Variants in FAS observed in about 807,000 individuals in gnomAD.
FAS encodes the protein tumor necrosis factor receptor superfamily member 6.
Under a neutral mutation model 33.2 loss-of-function variants are expected in FAS, and 5 were observed. The ratio of observed to expected loss-of-function variants is 0.15; its 90% confidence interval spans 0.08 to 0.32. The LOEUF (loss-of-function observed/expected upper bound fraction) is 0.32, where lower values mean the gene tolerates loss of function less well. Among genes scored for constraint, FAS ranks in the 10% least tolerant of loss-of-function variants. FAS has a pLI of 1.00. For synonymous variants in FAS, 131 were observed against 130.7 expected (o/e 1.00, Z -0.01); for missense variants, 339 against 386.0 (o/e 0.88, Z 1.02).
chr10:88,965,219 C>T (rs1846299224), intron 1 of FAS, among the ~76,000 whole-genome samples: 1 of 152,094 alleles, frequency 6.6e-6, no homozygotes, highest in East Asian at 1.9e-4. Context: ...GTATATTCAC[C>T]ATTAGGTTGT....
At chr10:88,980,329 G>A (rs1315612610) in intron 2 of FAS, among the ~76,000 whole-genome samples, 3 of 152,208 alleles carry the variant, frequency 2.0e-5, no homozygotes, top group Non-Finnish European at 2.9e-5. Flanking sequence ...TAGGGGACCT[G>A]AGGACTGAGG....
chr10:89,005,963 T>C (rs962699892), intron 2 of FAS, among the ~76,000 whole-genome samples: 1 of 152,214 alleles, frequency 6.6e-6, no homozygotes, highest in African/African-American at 2.4e-5. Context: ...TTATTATACT[T>C]TCCTGCCTTT....
At chr10:88,967,060 A>G (rs1846331215) in intron 1 of FAS, among the ~76,000 whole-genome samples, 1 of 152,238 alleles carries the variant, frequency 6.6e-6, no homozygotes, top group South Asian at 2.1e-4. Context: ...GACATACTTT[A>G]GCCCCTAGAA....
intron 1 of FAS, chr10:88,992,473 C>A (rs951569880): frequency 6.6e-6 from 1 of 152,026 alleles, no homozygotes; most frequent in Non-Finnish European, 1.5e-5. Context: ...ACTTTTGTAC[C>A]AATAGCACCT....
rs766079591 is a variant in FAS, at chr10:89,003,154, G to A, written c.156G>A (p.Leu52=). 1.2e-6 allele frequency: 2 copies of A among 1,614,006 alleles called. No homozygotes were observed. Among genetic ancestry groups the A allele is most frequent in the African/African-American group, 1.3e-5 (1 of 74,910 alleles). ...TTVETQNLEG[L]HHDGQFCHKP... is the part of the protein sequence containing the mutation. Reference sequence around the variant, plus strand: ...TTGAGACTCAGAACTTGGAAGGCCTGCATCATGATGGCCAATTCTGCCATA... The same window carrying A: ...TTGAGACTCAGAACTTGGAAGGCCTACATCATGATGGCCAATTCTGCCATA... Residue 52 remains leucine, a synonymous_variant, in exon 2 of 9, where the codon CTG becomes CTA. Transcript: ENST00000652046.
chr10:89,006,212 A>G (rs546555314), intron 2 of FAS, among the ~76,000 whole-genome samples: 8 of 152,336 alleles, frequency 5.3e-5, no homozygotes, highest in African/African-American at 1.7e-4. Context: ...GTATAATACC[A>G]CTAGCAAAAA....
chr10:88,980,690 G>A (rs1846689117), intron 2 of FAS, among the ~76,000 whole-genome samples: 1 of 152,160 alleles, frequency 6.6e-6, no homozygotes, highest in Admixed American at 6.5e-5. Flanking sequence ...CAAAGAAAGT[G>A]GCCAAAATGT....
At chr10:89,002,098 C>G (rs925730159) in intron 1 of FAS, among the ~76,000 whole-genome samples, 1 of 152,230 alleles carries the variant, frequency 6.6e-6, no homozygotes, top group East Asian at 1.9e-4. Context: ...AACACCTCCC[C>G]TTTCCCCAGT....
intron 2 of FAS, chr10:88,974,737 G>C (rs576661883): frequency 1.3e-5 from 2 of 152,164 alleles, no homozygotes; most frequent in Non-Finnish European, 2.9e-5. Flanking sequence ...GACTTTGTTT[G>C]ATAAAATAAA....
chr10:89,003,064 T>C lies in FAS; in HGVS notation c.66T>C (p.Ser22=), dbSNP rs1381204725. Residue 22 remains serine (S), a synonymous_variant, in exon 2 of 9, where the codon AGT becomes AGC. Coordinates refer to ENST00000652046, the MANE Select transcript of FAS (RefSeq NM_000043.6). ...CTGTTGCTAGATTATCGTCCAAAAG[T>C]GTTAATGCCCAAGTGACTGACATCA... ...LTSVARLSSK[S]VNAQVTDINS... 3 of 1,614,130 alleles carry C rather than the reference T, an allele frequency of 1.9e-6. No homozygotes were observed. Among genetic ancestry groups the C allele is most frequent in the Non-Finnish European group, 2.5e-6 (3 of 1,179,990 alleles).
At chr10:88,987,731 A>G (rs890742533), upstream of FAS, among the ~76,000 whole-genome samples, 1 of 152,226 alleles carries the variant, frequency 6.6e-6, no homozygotes, top group African/African-American at 2.4e-5. Context: ...CATATACCCA[A>G]GCCCTGGGAT....
chr10:89,000,549 A>C (rs1847862281), intron 1 of FAS, among the ~76,000 whole-genome samples: 1 of 152,252 alleles, frequency 6.6e-6, no homozygotes. Flanking sequence ...TCTGTGTGTT[A>C]AAAGATAATA....
At chr10:88,988,711 T>C (rs1846996154), upstream of FAS, among the ~76,000 whole-genome samples, 3 of 152,312 alleles carry the variant, frequency 2.0e-5, no homozygotes, top group Non-Finnish European at 1.5e-5. Flanking sequence ...CCAAACTGTT[T>C]TCCCCAGAAC....
At chr10:89,000,658 G>A (rs538467036) in intron 1 of FAS, among the ~76,000 whole-genome samples, 1 of 151,824 alleles carries the variant, frequency 6.6e-6, no homozygotes, top group South Asian at 2.1e-4. Flanking sequence ...CTGGACCACC[G>A]TTATACCCCC....
intron 1 of FAS, among the ~76,000 whole-genome samples, chr10:88,991,892 ACCGG>A (rs2133394286): frequency 6.6e-6 from 1 of 152,330 alleles, no homozygotes; most frequent in East Asian, 1.9e-4. Context: ...TCATTTGAGT[ACCGG>A]AGCCTCTGAG....
intron 1 of FAS, among the ~76,000 whole-genome samples, chr10:88,964,464 A>T (rs1176664384): frequency 2.0e-5 from 3 of 152,186 alleles, no homozygotes; most frequent in Non-Finnish European, 4.4e-5. Flanking sequence ...TGGGAAACTA[A>T]TGATAGACAA....
At chr10:88,986,934 T>G (rs1846911481), upstream of FAS, among the ~76,000 whole-genome samples, 1 of 152,226 alleles carries the variant, frequency 6.6e-6, no homozygotes, top group East Asian at 1.9e-4. Context: ...GTGTACTAGG[T>G]GATTTGCATA....
At chr10:88,987,949 G>GAA (rs74263159), upstream of FAS, among the ~76,000 whole-genome samples, 2 of 142,802 alleles carry the variant, frequency 1.4e-5, no homozygotes, top group African/African-American at 5.1e-5. Context: ...CCTTAAAAAA[G>GAA]AAAAAAAAAA....
In FAS at chr10:89,015,813, G is replaced by T. The variant is rs1255206013; in HGVS notation, c.*1363G>T. ...TCTGGTTTTCTCTTTTTTGGTAGGG[G>T]CTTGCTTTTTGGTTTTGTCTTCCTT... On this transcript the variant is annotated 3_prime_UTR_variant, in exon 9 of 9. Transcript: ENST00000652046. 3 of 445,280 alleles carry T rather than the reference G, an allele frequency of 6.7e-6. No homozygotes were observed. The highest frequency in any genetic ancestry group is 3.9e-5 in the African/African-American group (2 of 50,676). 27.6% of individuals were successfully genotyped at this position (445,280 alleles called of 1,614,324 possible). A position where few individuals can be genotyped will look rare whatever the true frequency, so the allele number is the denominator to read the frequency against.
Sources: allele counts gnomAD v4.1 joint callset (sites outside exome capture counted in the v4.1 genomes callset), GRCh38; gene constraint gnomAD v4.1.1; transcripts MANE v1.5; gene names NCBI Gene and HGNC (gene_info 2026-07-23, HGNC 2026-07-21).